SEPTIN9: variants seen among roughly 807,000 people sequenced by gnomAD.
SEPTIN9 encodes septin 9.
A neutral mutation model predicts 56.6 loss-of-function variants in SEPTIN9; 13 were observed. That is an observed-to-expected ratio of 0.23 (90% CI 0.15 to 0.37). The LOEUF (loss-of-function observed/expected upper bound fraction) is 0.37. Among genes scored for constraint, SEPTIN9 ranks in the 10% least tolerant of loss-of-function variants. SEPTIN9 has a pLI of 1.00. For synonymous variants in SEPTIN9, 332 were observed against 334.1 expected (o/e 0.99, Z 0.07); for missense variants, 650 against 823.1 (o/e 0.79, Z 2.57).
intron 3 of SEPTIN9, among the ~76,000 whole-genome samples, chr17:77,424,026 T>G (rs1194463109): frequency 6.6e-6 from 1 of 152,238 alleles, no homozygotes; most frequent in African/African-American, 2.4e-5. Context: ...TGAGCAGATT[T>G]GTTTCCATTT....
chr17:77,373,685 GC>G, intron 2 of SEPTIN9: 1 of 1,393,080 alleles, frequency 7.2e-7, no homozygotes. Context: ...TAATCCAGGC[GC>G]CCTCCCGCTG....
intron 2 of SEPTIN9, among the ~76,000 whole-genome samples, chr17:77,377,387 G>A (rs1051956136): frequency 2.0e-5 from 3 of 152,016 alleles, no homozygotes; most frequent in South Asian, 2.1e-4. Context: ...ATTACAACTC[G>A]GGTCTTTGTG....
rs1217329391 is a variant in SEPTIN9, at chr17:77,456,457, C to G, written c.722-25687C>G. 1 of 152,442 alleles carries G rather than the reference C, an allele frequency of 6.6e-6. No individual in the cohort carries two copies. The highest frequency in any genetic ancestry group is 1.5e-5 in the Non-Finnish European group (1 of 68,210). 9.4% of individuals were successfully genotyped at this position (152,442 alleles called of 1,614,324 possible). ...CTAATGGATTGCTGTTACCTGTCGC[C>G]TCTGTGGTTTTGCTGTCAGGATCCT... On this transcript the variant is annotated intron_variant, in intron 3 of 11. Coordinates refer to ENST00000427177, the MANE Select transcript of SEPTIN9 (RefSeq NM_001113491.2). This position sits in a 1 kb window ranked among gnomAD's most constrained non-coding sequence, Gnocchi z 6.0.
In SEPTIN9 at chr17:77,421,147, T is replaced by G. The variant is rs902723979; in HGVS notation, c.721+18444T>G. Among the ~76,000 whole-genome samples, 4 of 152,232 alleles carry G rather than the reference T, an allele frequency of 2.6e-5. No homozygotes were observed. The highest frequency in any genetic ancestry group is 4.4e-5 in the Non-Finnish European group (3 of 68,038). On this transcript the variant is annotated intron_variant, in intron 3 of 11. Coordinates refer to ENST00000427177, the MANE Select transcript of SEPTIN9 (RefSeq NM_001113491.2). This position sits in a 1 kb window ranked among gnomAD's most constrained non-coding sequence, Gnocchi z 4.6. ...GTGTCTGGGCCCCTGCCTGAGACTT[T>G]GGCTGGATGCCAGGAGCCCGAGACC...
At position 77,318,520 on chromosome 17, in the gene SEPTIN9, C is replaced by T. The variant is rs183195818; in HGVS notation, c.76+11323C>T. On this transcript the variant is annotated intron_variant, in intron 2 of 11. Transcript: ENST00000427177. The surrounding 1 kb of genome is among the most constrained non-coding windows in gnomAD (Gnocchi z 4.9). ...CTGGGGCCATTATTCAGCCTTCTCT[C>T]GTGACTATGATCCCTCCCTTCCTCC... Among the ~76,000 whole-genome samples, 1 of 152,166 alleles carries T rather than the reference C, an allele frequency of 6.6e-6. No homozygotes were observed. Among genetic ancestry groups the T allele is most frequent in the Non-Finnish European group, 1.5e-5 (1 of 68,030 alleles).
intron 1 of SEPTIN9, among the ~76,000 whole-genome samples, chr17:77,300,635 G>A (rs2031995606): frequency 6.6e-6 from 1 of 152,092 alleles, no homozygotes; most frequent in Admixed American, 6.5e-5. Context: ...CACAGCTCCT[G>A]TGAGCAAACT....
intron 4 of SEPTIN9, among the ~76,000 whole-genome samples, chr17:77,485,273 G>GGT (rs2039724647): frequency 8.0e-6 from 1 of 124,852 alleles, no homozygotes; most frequent in Non-Finnish European, 1.8e-5. Flanking sequence ...ATGGTGATGT[G>GGT]GGTGATGGTG....
Position 77,449,467 on chromosome 17 carries a change from G to A in SEPTIN9, c.722-32677G>A, listed in dbSNP as rs982410227. 5.9e-5 allele frequency among the ~76,000 whole-genome samples: 9 copies of A among 152,162 alleles called. No individual in the cohort carries two copies. The highest frequency in any genetic ancestry group is 3.3e-4 in the Admixed American group (5 of 15,272). On this transcript the variant is annotated intron_variant, in intron 3 of 11. Transcript: ENST00000427177. The surrounding 1 kb of genome is among the most constrained non-coding windows in gnomAD (Gnocchi z 4.6). Reference sequence around the variant, plus strand: ...AGGAGAGCAGGGTCTTGGGCCCTGGGAAAAGCCTGGGGGGCCAGAAAGCTG... The same window carrying A: ...AGGAGAGCAGGGTCTTGGGCCCTGGAAAAAGCCTGGGGGGCCAGAAAGCTG...
intron 3 of SEPTIN9, among the ~76,000 whole-genome samples, chr17:77,439,615 C>G (rs2144332456): frequency 6.6e-6 from 1 of 152,272 alleles, no homozygotes; most frequent in East Asian, 1.9e-4. Flanking sequence ...GAGTGGGGAT[C>G]AGGTGAGCAG....
intron 1 of SEPTIN9, among the ~76,000 whole-genome samples, chr17:77,285,773 C>T (rs1408584237): frequency 1.3e-5 from 2 of 152,328 alleles, no homozygotes; most frequent in African/African-American, 2.4e-5. Flanking sequence ...TCTATGCTGT[C>T]GTGACTTCTG....
At chr17:77,417,867 C>T (rs899873585) in intron 3 of SEPTIN9, among the ~76,000 whole-genome samples, 11 of 152,316 alleles carry the variant, frequency 7.2e-5, no homozygotes, top group Non-Finnish European at 7.4e-5. Flanking sequence ...CAGCCTTGCT[C>T]GGGGTTGGGG....
chr17:77,304,787 C>G (rs1260124254), intron 1 of SEPTIN9, among the ~76,000 whole-genome samples: 1 of 152,054 alleles, frequency 6.6e-6, no homozygotes, highest in African/African-American at 2.4e-5. Flanking sequence ...ATGGTGTGTG[C>G]GTGGGGATGT....
chr17:77,453,131 A>G lies in SEPTIN9; in HGVS notation c.722-29013A>G, dbSNP rs1291467383. Among the ~76,000 whole-genome samples the G allele has an allele frequency of 6.6e-6, 1 of 151,802 alleles. No homozygotes were observed. The highest frequency in any genetic ancestry group is 2.4e-5 in the African/African-American group (1 of 41,278). On this transcript the variant is annotated intron_variant, in intron 3 of 11. Coordinates refer to ENST00000427177, the MANE Select transcript of SEPTIN9 (RefSeq NM_001113491.2). The surrounding 1 kb of genome is among the most constrained non-coding windows in gnomAD (Gnocchi z 4.4). ...CCTGTAGGCTGTCATTGTGATGGTG[A>G]TGGGGCCAATTCAGCTGCGGTGGGG... is the stretch of plus-strand genomic sequence containing the variant.
chr17:77,287,717 G>T (rs1013195708), intron 1 of SEPTIN9, among the ~76,000 whole-genome samples: 13 of 152,216 alleles, frequency 8.5e-5, no homozygotes, highest in African/African-American at 2.7e-4. Context: ...CAGAGGAGGG[G>T]CGGCTCCTGG....
At chr17:77,302,313 A>G (rs59621726) in intron 1 of SEPTIN9, among the ~76,000 whole-genome samples, 10,043 of 152,012 alleles carry the variant, frequency 0.066, 487 homozygotes, top group African/African-American at 0.13. Flanking sequence ...ACAAACCAAT[A>G]AAAGACCTTC....
chr17:77,404,051 C>T (rs1335735536), intron 3 of SEPTIN9, among the ~76,000 whole-genome samples: 1 of 152,196 alleles, frequency 6.6e-6, no homozygotes, highest in Non-Finnish European at 1.5e-5. Flanking sequence ...CATTTTGTGT[C>T]TGGCTCATTT....
intron 3 of SEPTIN9, chr17:77,466,624 AG>A: frequency 2.0e-6 from 2 of 980,850 alleles, no homozygotes; most frequent in Non-Finnish European, 2.4e-6. Flanking sequence ...GGAGGTGTGG[AG>A]GGTAGGCCAG....
intron 3 of SEPTIN9, among the ~76,000 whole-genome samples, chr17:77,431,773 T>C (rs2037143559): frequency 7.1e-6 from 1 of 141,530 alleles, no homozygotes; most frequent in South Asian, 2.2e-4. Flanking sequence ...GAGGTTGCAG[T>C]GAGCCAAGAT....
chr17:77,300,119 C>T (rs1054472495), intron 1 of SEPTIN9, among the ~76,000 whole-genome samples: 1 of 152,140 alleles, frequency 6.6e-6, no homozygotes, highest in Non-Finnish European at 1.5e-5. Context: ...TGTTTTGAGA[C>T]AGAGTCTTGG....
Sources: gnomAD v4.1 joint callset for allele counts (sites outside exome capture counted in the v4.1 genomes callset) on GRCh38, gnomAD v4.1.1 for gene constraint, Gnocchi (gnomAD v3.1) non-coding constraint, MANE v1.5 for transcripts, NCBI Gene and HGNC (gene_info 2026-07-23, HGNC 2026-07-21) for gene names.